CATSPERE: variants seen among roughly 807,000 people sequenced by gnomAD.
CATSPERE encodes cation channel sperm-associated auxiliary subunit epsilon.
A neutral mutation model predicts 114.1 loss-of-function variants in CATSPERE; 93 were observed. The ratio of observed to expected loss-of-function variants is 0.81; its 90% CI spans 0.69 to 0.97. The LOEUF is 0.97. CATSPERE is among the 50% of genes least tolerant of loss of function. CATSPERE has a pLI of 0.00. For missense variants in CATSPERE, 1,058 were observed against 1,131.6 expected (o/e 0.93, Z 0.93); for synonymous variants, 341 against 384.1 (o/e 0.89, Z 1.31).
rs114038921 is a variant in CATSPERE, at chr1:244,495,863, C to T, written c.352-3139C>T. On this transcript the variant is annotated intron_variant, in intron 6 of 21. Coordinates refer to ENST00000366534, the MANE Select transcript of CATSPERE (RefSeq NM_001130957.2). ...GGCTGTAAACAGATAAGGGATTACC[C>T]AGATTTCAGATGCACATCCTAATTT... Among the ~76,000 whole-genome samples the T allele has an allele frequency of 5.3e-3, 814 of 152,212 alleles. 10 individuals carry two copies. The highest frequency in any genetic ancestry group is 0.019 in the African/African-American group (783 of 41,544).
chr1:244,466,481 C>T (rs1667621479), intron 2 of CATSPERE, among the ~76,000 whole-genome samples: 1 of 152,160 alleles, frequency 6.6e-6, no homozygotes, highest in Admixed American at 6.5e-5. Context: ...CCAGCCAGTA[C>T]ACACTTGGGT....
intron 17 of CATSPERE, among the ~76,000 whole-genome samples, chr1:244,595,759 G>A (rs1026748419): frequency 2.0e-5 from 3 of 152,082 alleles, no homozygotes; most frequent in Admixed American, 6.6e-5. Context: ...GTGAAACCCT[G>A]TCTCTACTAA....
chr1:244,567,939 C>G (rs894598033), intron 10 of CATSPERE, among the ~76,000 whole-genome samples: 1 of 152,040 alleles, frequency 6.6e-6, no homozygotes, highest in Admixed American at 6.6e-5. Context: ...TTTGAAATTT[C>G]AGTCTTTTTG....
intron 8 of CATSPERE, among the ~76,000 whole-genome samples, chr1:244,523,000 T>C (rs563143238): frequency 1.3e-5 from 2 of 151,252 alleles, no homozygotes; most frequent in East Asian, 1.9e-4. Flanking sequence ...CCAGCATCAT[T>C]CTGATACCAA....
chr1:244,525,006 T>C (rs2148392054), intron 8 of CATSPERE, among the ~76,000 whole-genome samples: 1 of 145,606 alleles, frequency 6.9e-6, no homozygotes, highest in Middle Eastern at 3.4e-3. Context: ...CCCAAAGGAC[T>C]ATAAATCATG....
intron 9 of CATSPERE, among the ~76,000 whole-genome samples, chr1:244,555,418 G>A (rs1360920274): frequency 6.6e-6 from 1 of 150,838 alleles, no homozygotes; most frequent in Non-Finnish European, 1.5e-5. Flanking sequence ...GGCATAGAAG[G>A]AACATACCTC....
Position 244,490,495 on chromosome 1 carries a change from ATAGCCTTCATATATCAC to A in CATSPERE, c.351+28_351+44del, listed in dbSNP as rs1558357540. On this transcript the variant is annotated intron_variant, in intron 6 of 21. Coordinates refer to ENST00000366534, the MANE Select transcript of CATSPERE (RefSeq NM_001130957.2). ...AGGTAAAATATTTTTTAAATTTTGT[ATAGCCTTCATATATCAC>A]TAGTATATTGTTTCTCTCTTATCTT... 4 of 1,321,822 alleles carry A rather than the reference ATAGCCTTCATATATCAC, an allele frequency of 3.0e-6. No homozygotes were observed. The South Asian group carries it at 4.9e-5, about 16-fold the overall frequency. 81.9% of individuals were successfully genotyped at this position (1,321,822 alleles called of 1,614,324 possible). A position where few individuals can be genotyped will look rare whatever the true frequency, so the allele number is the denominator to read the frequency against.
intron 19 of CATSPERE, among the ~76,000 whole-genome samples, chr1:244,611,970 G>A (rs1670793691): frequency 6.6e-6 from 1 of 152,190 alleles, no homozygotes; most frequent in African/African-American, 2.4e-5. Flanking sequence ...TTCTAATTCA[G>A]CAGGTCTTGG....
chr1:244,474,222 C>T (rs919009151), intron 2 of CATSPERE, among the ~76,000 whole-genome samples: 3 of 151,820 alleles, frequency 2.0e-5, no homozygotes, highest in Non-Finnish European at 2.9e-5. Context: ...TTAGTAGAGA[C>T]GGGGTTTTTA....
Position 244,517,430 on chromosome 1 carries a change from A to G in CATSPERE, c.430-1162A>G, listed in dbSNP as rs558333578. On this transcript the variant is annotated intron_variant, in intron 7 of 21. Transcript: ENST00000366534. Reference sequence around the variant, plus strand: ...TATGATTTTCAGAAACAAAATTAAAATATCTATTATTTATTATTTATTAGG... The same window carrying G: ...TATGATTTTCAGAAACAAAATTAAAGTATCTATTATTTATTATTTATTAGG... 3.3e-5 allele frequency among the ~76,000 whole-genome samples: 5 copies of G among 152,090 alleles called. No individual in the cohort carries two copies. In the East Asian group the frequency reaches 9.6e-4, roughly 29 times the overall value.
chr1:244,484,930 G>C (rs1191167069), intron 5 of CATSPERE, among the ~76,000 whole-genome samples: 1 of 152,106 alleles, frequency 6.6e-6, no homozygotes, highest in East Asian at 1.9e-4. Context: ...GTTGCTTGCT[G>C]TTTTCTCTCA....
At chr1:244,629,503 C>CTTTTTTTTTTTTT (rs369560104) in intron 20 of CATSPERE, among the ~76,000 whole-genome samples, 1 of 82,300 alleles carries the variant, frequency 1.2e-5, no homozygotes. Context: ...TCTCTCTTAC[C>CTTTTTTTTTTTTT]TTTTTTTTTT....
rs948772413 is a variant in CATSPERE, at chr1:244,477,232, G to A, written c.115-309G>A. ...ACTGGTCTCAAACTCCTGACCTCAGGTGATCCACCTGCGTCGGCCTCCCAA... is the reference window on the plus strand; with the variant it reads ...ACTGGTCTCAAACTCCTGACCTCAGATGATCCACCTGCGTCGGCCTCCCAA... On this transcript the variant is annotated intron_variant, in intron 2 of 21. Coordinates refer to ENST00000366534, the MANE Select transcript of CATSPERE (RefSeq NM_001130957.2). 2.6e-5 allele frequency among the ~76,000 whole-genome samples: 4 copies of A among 152,294 alleles called. No individual in the cohort carries two copies. In the South Asian group the frequency reaches 6.2e-4, roughly 24 times the overall value.
At chr1:244,578,841 T>TATATATATAC (rs1260605917) in intron 11 of CATSPERE, among the ~76,000 whole-genome samples, 2 of 146,632 alleles carry the variant, frequency 1.4e-5, no homozygotes, top group Non-Finnish European at 3.0e-5. Context: ...TATATATATA[T>TATATATATAC]ATACACACAC....
chr1:244,520,428 T>C (rs1677334910), intron 8 of CATSPERE, among the ~76,000 whole-genome samples: 1 of 152,222 alleles, frequency 6.6e-6, no homozygotes, highest in South Asian at 2.1e-4. Context: ...GAACTTTTGT[T>C]GAAAGTCAGT....
intron 6 of CATSPERE, among the ~76,000 whole-genome samples, chr1:244,491,283 T>G (rs1340871673): frequency 6.6e-6 from 1 of 152,182 alleles, no homozygotes; most frequent in African/African-American, 2.4e-5. Context: ...AACTCAGGAC[T>G]AAGAAACTCA....
At chr1:244,585,801 A>G (rs150039804) in intron 13 of CATSPERE, among the ~76,000 whole-genome samples, 1 of 152,298 alleles carries the variant, frequency 6.6e-6, no homozygotes, top group Non-Finnish European at 1.5e-5. Context: ...AGCAGCAAAT[A>G]GAACTGGCAG....
intron 7 of CATSPERE, among the ~76,000 whole-genome samples, chr1:244,517,065 G>A (rs1349386628): frequency 6.6e-6 from 1 of 152,008 alleles, no homozygotes; most frequent in African/African-American, 2.4e-5. Flanking sequence ...TTTATAGACT[G>A]AACATGAATA....
chr1:244,506,126 T>C (rs1024231342), intron 7 of CATSPERE, among the ~76,000 whole-genome samples: 3 of 152,216 alleles, frequency 2.0e-5, no homozygotes, highest in African/African-American at 7.2e-5. Flanking sequence ...TTTATGTAAA[T>C]GGAATCATAC....
Sources: gnomAD v4.1 joint callset for allele counts (sites outside exome capture counted in the v4.1 genomes callset) on GRCh38, gnomAD v4.1.1 for gene constraint, MANE v1.5 for transcripts, NCBI Gene and HGNC (gene_info 2026-07-23, HGNC 2026-07-21) for gene names.